FBXL7: variants seen among roughly 807,000 people sequenced by gnomAD.
FBXL7 encodes the protein F-box/LRR-repeat protein 7.
A neutral mutation model predicts 38.3 loss-of-function variants in FBXL7; 12 were observed. That is an observed-to-expected ratio of 0.31 (90% CI 0.20 to 0.51). FBXL7 has a LOEUF of 0.51. Among genes scored for constraint, FBXL7 ranks in the 20% least tolerant of loss-of-function variants. The probability of loss-of-function intolerance (pLI) is 0.98; values close to 1 mark genes in which losing one functional copy is unlikely to be tolerated. For missense variants in FBXL7, 567 were observed against 676.4 expected (o/e 0.84, Z 1.79); for synonymous variants, 297 against 300.9 (o/e 0.99, Z 0.13).
At chr5:15,509,613 C>T (rs1170192072) in intron 1 of FBXL7, among the ~76,000 whole-genome samples, 2 of 152,048 alleles carry the variant, frequency 1.3e-5, no homozygotes, top group African/African-American at 4.8e-5. Flanking sequence ...AAACCAACAA[C>T]AACAACAAAA....
At chr5:15,877,639 A>T (rs182450550) in intron 2 of FBXL7, among the ~76,000 whole-genome samples, 5 of 152,280 alleles carry the variant, frequency 3.3e-5, no homozygotes, top group African/African-American at 1.2e-4. Context: ...AGATTCTGTA[A>T]TAGAGGAAAT....
At chr5:15,844,184 A>G (rs552500428) in intron 2 of FBXL7, among the ~76,000 whole-genome samples, 3 of 152,220 alleles carry the variant, frequency 2.0e-5, no homozygotes, top group Admixed American at 6.5e-5. Flanking sequence ...AATTGCCAGT[A>G]GAAGCATTTA....
intron 2 of FBXL7, among the ~76,000 whole-genome samples, chr5:15,694,095 A>G (rs1448022010): frequency 6.6e-6 from 1 of 151,934 alleles, no homozygotes; most frequent in African/African-American, 2.4e-5. Flanking sequence ...AGCTGTAAAC[A>G]CTCAACCCTA....
At chr5:15,562,358 T>G (rs917683604) in intron 1 of FBXL7, among the ~76,000 whole-genome samples, 2 of 152,108 alleles carry the variant, frequency 1.3e-5, no homozygotes, top group Non-Finnish European at 2.9e-5. Context: ...TTGCAGACAT[T>G]ATATCAGATA....
intron 1 of FBXL7, among the ~76,000 whole-genome samples, chr5:15,548,628 T>C (rs1363887003): frequency 6.6e-6 from 1 of 152,102 alleles, no homozygotes; most frequent in African/African-American, 2.4e-5. Context: ...TCTCAATCAT[T>C]TTAGAAGGTT....
chr5:15,646,110 G>A (rs2126563342), intron 2 of FBXL7, among the ~76,000 whole-genome samples: 1 of 150,352 alleles, frequency 6.7e-6, no homozygotes, highest in South Asian at 2.1e-4. Flanking sequence ...TGTAAAGTGG[G>A]GATAATAGTA....
intron 1 of FBXL7, among the ~76,000 whole-genome samples, chr5:15,547,359 G>A (rs1197388966): frequency 6.6e-6 from 1 of 152,184 alleles, no homozygotes; most frequent in Non-Finnish European, 1.5e-5. Flanking sequence ...ACGCTTAGCA[G>A]CTGTGGGTGT....
chr5:15,547,901 G>T (rs1163603409), intron 1 of FBXL7, among the ~76,000 whole-genome samples: 1 of 152,182 alleles, frequency 6.6e-6, no homozygotes, highest in Non-Finnish European at 1.5e-5. Context: ...CTTGAAGTCG[G>T]CAACATGAGT....
At chr5:15,618,773 CT>C (rs778295777) in intron 2 of FBXL7, among the ~76,000 whole-genome samples, 61 of 152,306 alleles carry the variant, frequency 4.0e-4, no homozygotes, top group Non-Finnish European at 5.0e-4. Context: ...TGGAAGAGAT[CT>C]GAGTTACCCC....
intron 2 of FBXL7, among the ~76,000 whole-genome samples, chr5:15,620,101 TAGC>T (rs1040544044): frequency 2.0e-5 from 3 of 152,156 alleles, no homozygotes; most frequent in Non-Finnish European, 2.9e-5. Flanking sequence ...ATAGTGATGA[TAGC>T]AGCACAGCTC....
chr5:15,700,565 T>C (rs1454175598), intron 2 of FBXL7, among the ~76,000 whole-genome samples: 1 of 152,200 alleles, frequency 6.6e-6, no homozygotes, highest in African/African-American at 2.4e-5. Context: ...TTACAAACTA[T>C]AGCTTTCTCT....
chr5:15,878,424 T>C (rs1490701617), intron 2 of FBXL7, among the ~76,000 whole-genome samples: 1 of 152,202 alleles, frequency 6.6e-6, no homozygotes, highest in Non-Finnish European at 1.5e-5. Context: ...TCTCTCTCCA[T>C]GTTCTCCAGC....
intron 2 of FBXL7, among the ~76,000 whole-genome samples, chr5:15,828,692 C>T (rs1738378198): frequency 6.6e-6 from 1 of 152,146 alleles, no homozygotes; most frequent in African/African-American, 2.4e-5. Context: ...GGGATCCAGC[C>T]GACCTTCAGT....
At position 15,760,470 on chromosome 5, in the gene FBXL7, G is replaced by A. The variant is rs545716163; in HGVS notation, c.127+144398G>A. On this transcript the variant is annotated intron_variant, in intron 2 of 3. Transcript: ENST00000504595. ...AAAGTTGAGAGAGTCCTAGATGAAA[G>A]TATTCAGGTCCGTCATGCTTCAGCT... 4.0e-5 allele frequency among the ~76,000 whole-genome samples: 6 copies of A among 151,308 alleles called. No individual in the cohort carries two copies. In the East Asian group the frequency reaches 1.2e-3, roughly 29 times the overall value.
At chr5:15,863,506 G>A (rs920941376) in intron 2 of FBXL7, among the ~76,000 whole-genome samples, 2 of 152,180 alleles carry the variant, frequency 1.3e-5, no homozygotes, top group Admixed American at 6.5e-5. Context: ...GAGAATGGTC[G>A]ATGTGACCTC....
At chr5:15,857,371 C>T (rs1739302644) in intron 2 of FBXL7, among the ~76,000 whole-genome samples, 1 of 152,048 alleles carries the variant, frequency 6.6e-6, no homozygotes, top group South Asian at 2.1e-4. Flanking sequence ...AATTACTATC[C>T]CCAGATTGCA....
Position 15,721,335 on chromosome 5 carries a change from A to G in FBXL7, c.127+105263A>G, listed in dbSNP as rs578259756. Among the ~76,000 whole-genome samples, 9 of 152,228 alleles carry G rather than the reference A, an allele frequency of 5.9e-5. No individual in the cohort carries two copies. In the South Asian group the frequency reaches 1.7e-3, roughly 28 times the overall value. On this transcript the variant is annotated intron_variant, in intron 2 of 3. Transcript: ENST00000504595. ...ATTTACAGAGATCTGTGAGTATTAC[A>G]TCCATGAAGGACTTGGTCTCAAGGT... is the stretch of plus-strand genomic sequence containing the variant.
intron 2 of FBXL7, among the ~76,000 whole-genome samples, chr5:15,743,648 C>G (rs968729159): frequency 2.0e-5 from 3 of 152,240 alleles, no homozygotes; most frequent in African/African-American, 7.2e-5. Flanking sequence ...TGACCCTTTT[C>G]TCACAGTTCC....
intron 1 of FBXL7, among the ~76,000 whole-genome samples, chr5:15,569,048 G>C (rs1738680391): frequency 6.6e-6 from 1 of 152,048 alleles, no homozygotes; most frequent in South Asian, 2.1e-4. Flanking sequence ...TGTTCTTTTG[G>C]CTTAGGATTG....
Sources: allele counts gnomAD v4.1 joint callset (sites outside exome capture counted in the v4.1 genomes callset), GRCh38; gene constraint gnomAD v4.1.1; transcripts MANE v1.5; gene names NCBI Gene and HGNC (gene_info 2026-07-23, HGNC 2026-07-21).